TRAF3IP3: variants seen among roughly 807,000 people sequenced by gnomAD.
TRAF3IP3 encodes TRAF3 interacting protein 3.
Under a neutral mutation model 86.5 loss-of-function variants are expected in TRAF3IP3, and 64 were observed. The observed-to-expected ratio is 0.74, with a 90% CI of 0.60 to 0.91. The LOEUF (loss-of-function observed/expected upper bound fraction) is 0.91. Among genes scored for constraint, TRAF3IP3 ranks in the 40% least tolerant of loss-of-function variants. The probability of loss-of-function intolerance (pLI) is 0.00; values close to 1 mark genes in which losing one functional copy is unlikely to be tolerated. For synonymous variants in TRAF3IP3, 220 were observed against 243.9 expected, an observed-to-expected ratio of 0.90 and a Z score of 0.91; for missense variants, 579 against 642.9, an observed-to-expected ratio of 0.90 and a Z score of 1.07.
chr1:209,760,318 A>G lies in TRAF3IP3; in HGVS notation c.279A>G (p.Pro93=), dbSNP rs1439814533. ...QAREQGPSRR[P]GQVTVLKEPL... Reference sequence around the variant, plus strand: ...GGGAGCAAGGGCCCTCCAGGCGGCCAGGACAGGTGACTGTCCTCAAGGAAC... The same window carrying G: ...GGGAGCAAGGGCCCTCCAGGCGGCCGGGACAGGTGACTGTCCTCAAGGAAC... The change falls in exon 3 of 17, where the codon CCA becomes CCG. Residue 93 remains proline (P), a synonymous_variant. Transcript: ENST00000367025. 6 of 1,613,948 alleles carry G rather than the reference A, an allele frequency of 3.7e-6. No individual in the cohort carries two copies. The highest frequency in any genetic ancestry group is 1.1e-5 in the South Asian group (1 of 91,044).
At chr1:209,765,198 A>G (rs1316921645) in intron 8 of TRAF3IP3, among the ~76,000 whole-genome samples, 2 of 117,096 alleles carry the variant, frequency 1.7e-5, no homozygotes, top group African/African-American at 7.6e-5. Flanking sequence ...AGAGAGAGAG[A>G]GAGAGAGAGA....
In TRAF3IP3 at chr1:209,763,307, C is replaced by T. The variant is rs552370575; in HGVS notation, c.577-56C>T. ...GCCAGCCCAGGCTCTGGTTCTATAT[C>T]CCAGGGTTTCAGGGGACTTACAGAC... On this transcript the variant is annotated intron_variant, in intron 6 of 16. Transcript: ENST00000367025. 1.1e-5 allele frequency: 18 copies of T among 1,592,282 alleles called. No individual in the cohort carries two copies. In the East Asian group the frequency reaches 3.3e-4, roughly 30 times the overall value.
At chr1:209,774,202 C>A (rs189845937) in intron 9 of TRAF3IP3, among the ~76,000 whole-genome samples, 2 of 152,316 alleles carry the variant, frequency 1.3e-5, no homozygotes, top group Admixed American at 1.3e-4. Context: ...TGCAAAGCTG[C>A]GCTTGTGTCT....
chr1:209,779,675 C>T, intron 14 of TRAF3IP3: 1 of 601,658 alleles, frequency 1.7e-6, no homozygotes, highest in Non-Finnish European at 2.9e-6. Context: ...TCAATTTTTA[C>T]ACACTTGATT....
chr1:209,760,011 C>T lies in TRAF3IP3; in HGVS notation c.-29C>T, dbSNP rs1305009232. On this transcript the variant is annotated 5_prime_UTR_variant, in exon 3 of 17. Coordinates refer to ENST00000367025, the MANE Select transcript of TRAF3IP3 (RefSeq NM_025228.4). The stretch of plus-strand genomic sequence containing the variant: ...AGGCATCTATTCCAGGAACTGGAAG[C>T]CAAGCGCAACAGGTGCTTGGAGGTC... 6.3e-7 allele frequency: 1 copy of T among 1,577,004 alleles called. No individual in the cohort carries two copies. Among genetic ancestry groups the T allele is most frequent in the South Asian group, 1.1e-5 (1 of 89,914 alleles).
At chr1:209,774,088 A>G (rs2077602549) in intron 9 of TRAF3IP3, among the ~76,000 whole-genome samples, 1 of 152,252 alleles carries the variant, frequency 6.6e-6, no homozygotes, top group African/African-American at 2.4e-5. Flanking sequence ...TCTACTGCTT[A>G]CACAGTAGGT....
At position 209,760,016 on chromosome 1, in the gene TRAF3IP3, C is replaced by A; in HGVS notation, c.-24C>A. 3 of 1,582,682 alleles carry A rather than the reference C, an allele frequency of 1.9e-6. No individual in the cohort carries two copies. The highest frequency in any genetic ancestry group is 2.6e-6 in the Non-Finnish European group (3 of 1,155,490). On this transcript the variant is annotated 5_prime_UTR_variant, in exon 3 of 17. Coordinates refer to ENST00000367025, the MANE Select transcript of TRAF3IP3 (RefSeq NM_025228.4). ...TCTATTCCAGGAACTGGAAGCCAAG[C>A]GCAACAGGTGCTTGGAGGTCATCAT...
Position 209,781,474 on chromosome 1 carries a change from CT to C in TRAF3IP3, c.1563+18del. ...GCCTCCCAGAGTAAGAGGGTCTCTC[CT>C]TCCCATAAAGCCCTGGATGATGGGA... On this transcript the variant is annotated intron_variant, in intron 16 of 16. Coordinates refer to ENST00000367025, the MANE Select transcript of TRAF3IP3 (RefSeq NM_025228.4). 1 of 1,582,992 alleles carries C rather than the reference CT, an allele frequency of 6.3e-7. No homozygotes were observed. The highest frequency in any genetic ancestry group is 8.7e-7 in the Non-Finnish European group (1 of 1,152,274).
chr1:209,772,675 C>A (rs1478742871), intron 8 of TRAF3IP3, among the ~76,000 whole-genome samples: 3 of 150,838 alleles, frequency 2.0e-5, no homozygotes, highest in Non-Finnish European at 4.4e-5. Context: ...CTTCCGGGGC[C>A]CCCCTGCTAT....
At chr1:209,757,579 C>T (rs997431324) in intron 1 of TRAF3IP3, among the ~76,000 whole-genome samples, 3 of 152,054 alleles carry the variant, frequency 2.0e-5, no homozygotes, top group African/African-American at 7.2e-5. Flanking sequence ...TGACTTCAGC[C>T]TGGGGCCAGC....
intron 8 of TRAF3IP3, chr1:209,768,746 A>C (rs1571931060): frequency 2.1e-6 from 2 of 963,818 alleles, no homozygotes; most frequent in Admixed American, 1.2e-4. Flanking sequence ...AACTGCCTAG[A>C]ATGTCAGCAG....
chr1:209,773,707 C>T (rs1243386797), intron 9 of TRAF3IP3, among the ~76,000 whole-genome samples: 1 of 152,196 alleles, frequency 6.6e-6, no homozygotes, highest in African/African-American at 2.4e-5. Flanking sequence ...TGGCGTCTTA[C>T]AGGGGAAGAG....
intron 16 of TRAF3IP3, chr1:209,781,728 G>A (rs1442201005): frequency 8.3e-6 from 4 of 483,688 alleles, no homozygotes; most frequent in African/African-American, 5.8e-5. Flanking sequence ...CCGATGATAA[G>A]CATGGTGGCA....
intron 8 of TRAF3IP3, among the ~76,000 whole-genome samples, chr1:209,768,854 C>T (rs2077407832): frequency 6.6e-6 from 1 of 152,196 alleles, no homozygotes; most frequent in African/African-American, 2.4e-5. Flanking sequence ...GCCCGATTTG[C>T]AACAACTTGG....
chr1:209,771,784 T>C (rs28767240), intron 8 of TRAF3IP3, among the ~76,000 whole-genome samples: 14,824 of 108,860 alleles, frequency 0.14, 1,684 homozygotes, highest in Non-Finnish European at 0.16. Context: ...TATGGAGGTG[T>C]GCGTGTGCAT....
At chr1:209,758,365 C>CA (rs1490861641) in intron 1 of TRAF3IP3, 1 of 152,152 alleles carries the variant, frequency 6.6e-6, no homozygotes, top group Non-Finnish European at 1.5e-5. Context: ...GAGTATGCCC[C>CA]TCCAACCCTC....
rs2077572622 is a variant in TRAF3IP3 at position 209,772,718 on chromosome 1, A to G, written c.703-230A>G. Among the ~76,000 whole-genome samples, 3 of 151,048 alleles carry G rather than the reference A, an allele frequency of 2.0e-5. No homozygotes were observed. In the South Asian group the frequency reaches 6.2e-4, roughly 31 times the overall value. ...TGAGCCATTTGATAAAAATCGAGGT[A>G]AAAAGAGGACTTGAGGCCAGTCTTA... On this transcript the variant is annotated intron_variant, in intron 8 of 16. Transcript: ENST00000367025.
chr1:209,771,266 CGGA>C (rs2077506620), intron 8 of TRAF3IP3, among the ~76,000 whole-genome samples: 1 of 86,534 alleles, frequency 1.2e-5, no homozygotes, highest in Non-Finnish European at 2.2e-5. Flanking sequence ...TGTGTCCCTA[CGGA>C]GGTGTGCATC....
chr1:209,759,919 G>A (rs1385090136), intron 2 of TRAF3IP3, 63 bp from the exon 3 acceptor site: 32 of 765,674 alleles, frequency 4.2e-5, no homozygotes, highest in Non-Finnish European at 6.1e-5. Flanking sequence ...GGTCTAGGGA[G>A]ATAGTCATTT....
Sources: allele counts gnomAD v4.1 joint callset (sites outside exome capture counted in the v4.1 genomes callset), GRCh38; gene constraint gnomAD v4.1.1; transcripts MANE v1.5; gene names NCBI Gene and HGNC (gene_info 2026-07-23, HGNC 2026-07-21).